BAZ2A: variants seen among roughly 807,000 people sequenced by gnomAD.
The protein encoded by BAZ2A is bromodomain adjacent to zinc finger domain protein 2A.
BAZ2A carries 34 observed loss-of-function variants against 199.9 expected under a neutral mutation model. That is an observed-to-expected ratio of 0.17 (90% CI 0.13 to 0.23). BAZ2A has a LOEUF of 0.23. Among genes scored for constraint, BAZ2A ranks in the 10% least tolerant of loss-of-function variants. The pLI is 1.00. For synonymous variants in BAZ2A, 857 were observed against 883.9 expected (o/e 0.97, Z 0.54); for missense variants, 2,002 against 2,391.1 (o/e 0.84, Z 3.39).
chr12:56,625,084 T>C (rs1951038122), intron 1 of BAZ2A, among the ~76,000 whole-genome samples: 1 of 151,540 alleles, frequency 6.6e-6, no homozygotes, highest in Admixed American at 6.6e-5. Flanking sequence ...TGCAGGACAC[T>C]AAAAGCCACA....
At position 56,618,466 on chromosome 12, in the gene BAZ2A, A is replaced by C. The variant is rs544696779; in HGVS notation, c.-2-934T>G. On this transcript the variant is annotated intron_variant, in intron 1 of 28. Coordinates refer to ENST00000549884, the MANE Select transcript of BAZ2A (RefSeq NM_001300905.2). ...TTAACTTTGACAGAGGAAAGGAAAG[A>C]AAGCAAGCAGAAGCCAGAATTATTG... Among the ~76,000 whole-genome samples the C allele has an allele frequency of 7.9e-5, 12 of 152,254 alleles. No individual in the cohort carries two copies. The East Asian group carries it at 1.4e-3, about 17-fold the overall frequency.
intron 1 of BAZ2A, among the ~76,000 whole-genome samples, chr12:56,624,893 C>T (rs1448296806): frequency 6.6e-6 from 1 of 151,860 alleles, no homozygotes; most frequent in African/African-American, 2.4e-5. Flanking sequence ...CCGTTTTCAA[C>T]CAAATAAAAA....
Position 56,615,098 on chromosome 12 carries a change from C to T in BAZ2A, c.646G>A (p.Ala216Thr). 6.2e-7 allele frequency: 1 copy of T among 1,613,926 alleles called. No homozygotes were observed. The highest frequency in any genetic ancestry group is 8.5e-7 in the Non-Finnish European group (1 of 1,179,884). The change falls in exon 3 of 29, where the codon GCA becomes ACA. Residue 216 changes from alanine to threonine, a missense_variant. Ala to Thr is a moderately conservative substitution (Grantham distance 58). This residue lies in a region of BAZ2A where 641 missense variants were observed against 694.5 expected (regional missense o/e 0.92). Transcript: ENST00000549884. ...ACTGAAGTCATCTCCTTTTCTGCTG[C>T]CTCATCAGGATGGATACCACTGCCT... Reference protein sequence around the residue: ...EVGSGIHPDEAAEKEMTSVVA... With the variant: ...EVGSGIHPDETAEKEMTSVVA...
chr12:56,618,417 A>G (rs762714934), intron 1 of BAZ2A, among the ~76,000 whole-genome samples: 49 of 152,066 alleles, frequency 3.2e-4, no homozygotes, highest in Non-Finnish European at 4.7e-4. Context: ...TAAGAATGAT[A>G]AGAAGCCCTT....
rs1360922645 is a variant in BAZ2A at position 56,611,831 on chromosome 12, T to C, written c.1551A>G (p.Leu517=). ...SPANKDVSSF[L]ETTADVEEIT... ...TCTCTTCCACGTCAGCAGTGGTTTC[T>C]AGAAAGCTGCTGACATCCTTATTTG... Residue 517 remains leucine, a synonymous_variant, in exon 6 of 29, where the codon CTA becomes CTG. Coordinates refer to ENST00000549884, the MANE Select transcript of BAZ2A (RefSeq NM_001300905.2). 5.1e-6 allele frequency: 8 copies of C among 1,581,814 alleles called. No homozygotes were observed. The highest frequency in any genetic ancestry group is 2.3e-5 in the South Asian group (2 of 86,500).
chr12:56,604,226 C>A lies in BAZ2A; in HGVS notation c.3029G>T (p.Arg1010Leu), dbSNP rs779357786. 1.2e-6 allele frequency: 2 copies of A among 1,605,880 alleles called. No homozygotes were observed. Among genetic ancestry groups the A allele is most frequent in the Middle Eastern group, 1.7e-4 (1 of 6,052 alleles). ...YRKNKWIVEG[R>L]LRRLKTVLAK... Reference sequence around the variant, plus strand: ...TCTGTCTGGTCCCTACCTCCGGAGCCGGCCTTCAACAATCCACTTGTTTTT... The same window carrying A: ...TCTGTCTGGTCCCTACCTCCGGAGCAGGCCTTCAACAATCCACTTGTTTTT... The change falls in exon 16 of 29, where the codon CGG (arginine) becomes CTG (leucine). Residue 1010 changes from arginine to leucine, a missense_variant. Arg to Leu is a moderately radical substitution (Grantham distance 102). Coordinates refer to ENST00000549884, the MANE Select transcript of BAZ2A (RefSeq NM_001300905.2).
At chr12:56,618,824 T>G (rs901033094) in intron 1 of BAZ2A, among the ~76,000 whole-genome samples, 4 of 151,536 alleles carry the variant, frequency 2.6e-5, no homozygotes, top group South Asian at 4.2e-4. Flanking sequence ...GAGCTGAAAT[T>G]GCGCCATTGC....
intron 13 of BAZ2A, 26 bp from the exon 14 acceptor site, chr12:56,605,353 G>A: frequency 6.3e-7 from 1 of 1,579,760 alleles, no homozygotes; most frequent in Non-Finnish European, 8.6e-7. Flanking sequence ...TGAGTAGAGA[G>A]TTCTGTTAAA....
rs537607736 is a variant in BAZ2A, at chr12:56,627,203, A to G, written c.-3+2922T>C. Among the ~76,000 whole-genome samples the G allele has an allele frequency of 5.4e-4, 83 of 152,356 alleles. 1 individual carries two copies. Among genetic ancestry groups the G allele is most frequent in the Admixed American group, 9.8e-4 (15 of 15,302 alleles). ...AAATAATCTGAAAATGTTATCTTTCAAGGCTTGGCCCTGTGGCTTATGCCT... is the reference window on the plus strand; with the variant it reads ...AAATAATCTGAAAATGTTATCTTTCGAGGCTTGGCCCTGTGGCTTATGCCT... On this transcript the variant is annotated intron_variant, in intron 1 of 28. Transcript: ENST00000549884.
upstream of BAZ2A, among the ~76,000 whole-genome samples, chr12:56,634,181 G>T (rs1021737766): frequency 6.6e-6 from 1 of 152,186 alleles, no homozygotes; most frequent in African/African-American, 2.4e-5. Context: ...CATCTGAACA[G>T]AGAAGACTGG....
chr12:56,631,751 T>G (rs938517237), upstream of BAZ2A, among the ~76,000 whole-genome samples: 1 of 152,094 alleles, frequency 6.6e-6, no homozygotes, highest in African/African-American at 2.4e-5. Context: ...AGTTGGGGTG[T>G]CAACAAATAC....
At chr12:56,619,988 A>C (rs752778801) in intron 1 of BAZ2A, among the ~76,000 whole-genome samples, 1 of 152,188 alleles carries the variant, frequency 6.6e-6, no homozygotes, top group Non-Finnish European at 1.5e-5. Flanking sequence ...TAAAAACTAA[A>C]AGCAATGTGC....
chr12:56,599,104 TC>T, intron 27 of BAZ2A, 24 bp downstream of exon 27: 2 of 1,600,754 alleles, frequency 1.2e-6, no homozygotes, highest in Non-Finnish European at 8.5e-7. Context: ...GAGCCAACTG[TC>T]CCCCCAGGAT....
chr12:56,596,138 A>G lies in BAZ2A; in HGVS notation c.*2480T>C, dbSNP rs1885798726. Reference sequence around the variant, plus strand: ...ACTGTACATTATCAAAAAGTCACTAAAACACCACATTTGGTTATATAAAAA... The same window carrying G: ...ACTGTACATTATCAAAAAGTCACTAGAACACCACATTTGGTTATATAAAAA... On this transcript the variant is annotated 3_prime_UTR_variant, in exon 29 of 29. Coordinates refer to ENST00000549884, the MANE Select transcript of BAZ2A (RefSeq NM_001300905.2). 1 of 152,742 alleles carries G rather than the reference A, an allele frequency of 6.5e-6. No individual in the cohort carries two copies. The allele number at this position is 152,742 out of a possible 1,614,324, so 9.5% of individuals were successfully genotyped here.
chr12:56,627,879 A>G, intron 1 of BAZ2A, among the ~76,000 whole-genome samples: 1 of 150,516 alleles, frequency 6.6e-6, no homozygotes, highest in African/African-American at 2.4e-5. Context: ...GAGAGAAGAG[A>G]AAAAAAAGAA....
chr12:56,603,775 G>A, intron 16 of BAZ2A, 75 bp from the exon 17 acceptor site: 1 of 1,521,624 alleles, frequency 6.6e-7, no homozygotes, highest in Non-Finnish European at 8.9e-7. Context: ...CACTTTGGGA[G>A]GCCAAGACAG....
rs1310740845 is a variant in BAZ2A, at chr12:56,601,692, C to A, written c.3925G>T (p.Asp1309Tyr). The part of the protein sequence containing the change: ...PSQPPEEPEP[D>Y]EAESSPDPQA... ...GGATCAGGGCTGGATTCTGCCTCAT[C>A]AGGCTCTGGCTCCTCCGGGGGTTGT... is the stretch of plus-strand genomic sequence containing the variant. The change falls in exon 20 of 29, where the codon GAT (aspartate) becomes TAT (tyrosine). Residue 1309 changes from aspartate to tyrosine, a missense_variant. Physicochemically the swap from Asp to Tyr is radical, Grantham distance 160. Around this residue, in one of 6 missense-constraint regions of BAZ2A, gnomAD observed 1,081 missense variants for 1,274.7 expected, o/e 0.85. Coordinates refer to ENST00000549884, the MANE Select transcript of BAZ2A (RefSeq NM_001300905.2). 3 of 1,613,956 alleles carry A rather than the reference C, an allele frequency of 1.9e-6. No homozygotes were observed. Among genetic ancestry groups the A allele is most frequent in the Non-Finnish European group, 1.7e-6 (2 of 1,179,890 alleles).
At chr12:56,616,956 G>A (rs1950743061) in intron 2 of BAZ2A, among the ~76,000 whole-genome samples, 1 of 152,124 alleles carries the variant, frequency 6.6e-6, no homozygotes, top group Non-Finnish European at 1.5e-5. Context: ...TCCATCCAAG[G>A]ACAGAAGGTG....
At position 56,613,776 on chromosome 12, in the gene BAZ2A, C is replaced by T. The variant is rs566036548; in HGVS notation, c.916+177G>A. On this transcript the variant is annotated intron_variant, in intron 4 of 28. Coordinates refer to ENST00000549884, the MANE Select transcript of BAZ2A (RefSeq NM_001300905.2). ...GAACCTGGGACATGAACCAATTCAG[C>T]TCAGAATTCAGTTAGGGCACCAAGT... Among the ~76,000 whole-genome samples the T allele has an allele frequency of 2.0e-5, 3 of 152,324 alleles. No homozygotes were observed. In the South Asian group the frequency reaches 6.2e-4, roughly 32 times the overall value.
Sources: allele counts gnomAD v4.1 joint callset (sites outside exome capture counted in the v4.1 genomes callset), GRCh38; gene constraint gnomAD v4.1.1; regional missense constraint gnomAD v4.1.1; transcripts MANE v1.5; gene names NCBI Gene and HGNC (gene_info 2026-07-23, HGNC 2026-07-21).